SLC9A2: variants seen among roughly 807,000 people sequenced by gnomAD.
SLC9A2 encodes the protein sodium/hydrogen exchanger 2.
SLC9A2 carries 42 observed loss-of-function variants against 71.7 expected under a neutral mutation model. The observed-to-expected ratio is 0.59, with a 90% CI of 0.46 to 0.76. The LOEUF (loss-of-function observed/expected upper bound fraction) is 0.76, where lower values mean the gene tolerates loss of function less well. Among genes scored for constraint, SLC9A2 ranks in the 30% least tolerant of loss-of-function variants. The probability of loss-of-function intolerance (pLI) is 0.00; values close to 1 mark genes in which losing one functional copy is unlikely to be tolerated. For missense variants in SLC9A2, 829 were observed against 1,017.4 expected (o/e 0.81, Z 2.52); for synonymous variants, 396 against 392.5 (o/e 1.01, Z -0.10).
intron 1 of SLC9A2, among the ~76,000 whole-genome samples, chr2:102,636,092 G>A (rs1676463831): frequency 6.6e-6 from 1 of 152,146 alleles, no homozygotes; most frequent in Non-Finnish European, 1.5e-5. Context: ...TATGATGACT[G>A]TAGAACTATA....
At chr2:102,627,151 C>CAACAAG (rs533573268) in intron 1 of SLC9A2, among the ~76,000 whole-genome samples, 1 of 56,088 alleles carries the variant, frequency 1.8e-5, no homozygotes, top group African/African-American at 4.3e-5. Flanking sequence ...ACAACAACAA[C>CAACAAG]AATAACAACA....
chr2:102,640,191 G>A (rs1435707601), intron 1 of SLC9A2, among the ~76,000 whole-genome samples: 1 of 152,154 alleles, frequency 6.6e-6, no homozygotes, highest in East Asian at 1.9e-4. Flanking sequence ...CTTTTTCTTT[G>A]TTACCATACT....
chr2:102,699,558 C>T (rs1558724365), intron 7 of SLC9A2, among the ~76,000 whole-genome samples: 2 of 152,228 alleles, frequency 1.3e-5, no homozygotes, highest in South Asian at 2.1e-4. Flanking sequence ...ATGTCTTGGA[C>T]CTGGGTGATA....
At chr2:102,638,547 C>A (rs186830388) in intron 1 of SLC9A2, among the ~76,000 whole-genome samples, 2 of 152,192 alleles carry the variant, frequency 1.3e-5, no homozygotes, top group Non-Finnish European at 2.9e-5. Flanking sequence ...ATGAGTTCAT[C>A]GTCTGTGAAA....
At chr2:102,701,904 G>A (rs985517026) in intron 8 of SLC9A2, among the ~76,000 whole-genome samples, 1 of 152,132 alleles carries the variant, frequency 6.6e-6, no homozygotes, top group Non-Finnish European at 1.5e-5. Context: ...CTGATATTGG[G>A]TTTATAAATC....
At chr2:102,669,051 T>C (rs1351946585) in intron 3 of SLC9A2, among the ~76,000 whole-genome samples, 2 of 152,206 alleles carry the variant, frequency 1.3e-5, no homozygotes, top group African/African-American at 4.8e-5. Context: ...GATTTCAATA[T>C]CTTGATTTCT....
Position 102,678,514 on chromosome 2 carries a change from AT to A in SLC9A2, c.1005-4743del, listed in dbSNP as rs577989425. 3.0e-3 allele frequency among the ~76,000 whole-genome samples: 458 copies of A among 152,284 alleles called. 1 individual carries two copies. Among genetic ancestry groups the A allele is most frequent in the African/African-American group, 0.011 (437 of 41,560 alleles). ...ATATAAAGAATCTATTTAGGTTATT[AT>A]TTTGTTGGGGACAATGTCATACTGA... is the stretch of plus-strand genomic sequence containing the variant. On this transcript the variant is annotated intron_variant, in intron 3 of 11. Transcript: ENST00000233969.
At chr2:102,621,352 G>GAAA (rs768118079) in intron 1 of SLC9A2, among the ~76,000 whole-genome samples, 35,309 of 108,652 alleles carry the variant, frequency 0.32, 5,379 homozygotes, top group Admixed American at 0.41. Context: ...TTGTCTCAGG[G>GAAA]AAAAAAAAAA....
Position 102,710,841 on chromosome 2 carries a change from A to G in SLC9A2, c.*2352A>G, listed in dbSNP as rs1387725393. ...CGTCCAAACAACACTTGATCCAACC[A>G]AAGTTCCAATGTGACTGTGGATCTT... On this transcript the variant is annotated 3_prime_UTR_variant, in exon 12 of 12. Coordinates refer to ENST00000233969, the MANE Select transcript of SLC9A2 (RefSeq NM_003048.6). 6.6e-6 allele frequency: 1 copy of G among 152,344 alleles called. No individual in the cohort carries two copies. Among genetic ancestry groups the G allele is most frequent in the African/African-American group, 2.4e-5 (1 of 41,442 alleles). 9.4% of individuals were successfully genotyped at this position (152,344 alleles called of 1,614,324 possible). A position where few individuals can be genotyped will look rare whatever the true frequency, so the allele number is the denominator to read the frequency against.
chr2:102,672,000 T>C (rs1156582773), intron 3 of SLC9A2, among the ~76,000 whole-genome samples: 2 of 151,982 alleles, frequency 1.3e-5, no homozygotes, highest in African/African-American at 4.8e-5. Context: ...CAGCTGCTAC[T>C]TGGGAGGCTG....
intron 3 of SLC9A2, among the ~76,000 whole-genome samples, chr2:102,682,416 G>C (rs1357080073): frequency 6.6e-6 from 1 of 152,188 alleles, no homozygotes; most frequent in African/African-American, 2.4e-5. Flanking sequence ...CCGGGGTGGA[G>C]AGAGGGCAGA....
chr2:102,709,887 T>A lies in SLC9A2; in HGVS notation c.*1398T>A, dbSNP rs1678070821. 6.6e-6 allele frequency: 1 copy of A among 152,314 alleles called. No homozygotes were observed. The highest frequency in any genetic ancestry group is 1.5e-5 in the Non-Finnish European group (1 of 68,024). The allele number at this position is 152,314 out of a possible 1,614,324, so 9.4% of individuals were successfully genotyped here. A position where few individuals can be genotyped will look rare whatever the true frequency, so the allele number is the denominator to read the frequency against. ...AGAAATTAAATGAAGCCACTCACAG[T>A]CCTTTGATTTCCCACTGAAGATACC... is the stretch of plus-strand genomic sequence containing the variant. On this transcript the variant is annotated 3_prime_UTR_variant, in exon 12 of 12. Coordinates refer to ENST00000233969, the MANE Select transcript of SLC9A2 (RefSeq NM_003048.6).
In SLC9A2 at chr2:102,710,675, A is replaced by G. The variant is rs557666286; in HGVS notation, c.*2186A>G. ...AATTTGACTTTAGCTTTTTTTCTAT[A>G]CTTTCCTCTTTTTGTAATTCTTAAA... On this transcript the variant is annotated 3_prime_UTR_variant, in exon 12 of 12. Coordinates refer to ENST00000233969, the MANE Select transcript of SLC9A2 (RefSeq NM_003048.6). The G allele has an allele frequency of 6.6e-6, 1 of 152,308 alleles. No individual in the cohort carries two copies. Among genetic ancestry groups the G allele is most frequent in the East Asian group, 1.9e-4 (1 of 5,246 alleles). The allele number at this position is 152,308 out of a possible 1,614,324, so 9.4% of individuals were successfully genotyped here.
intron 1 of SLC9A2, among the ~76,000 whole-genome samples, chr2:102,654,312 A>G (rs1344797715): frequency 1.2e-4 from 17 of 147,504 alleles, no homozygotes; most frequent in African/African-American, 4.3e-4. Flanking sequence ...CATGGTTTTC[A>G]GGGAACTTTT....
At chr2:102,634,109 T>C (rs1334591352) in intron 1 of SLC9A2, among the ~76,000 whole-genome samples, 2 of 152,204 alleles carry the variant, frequency 1.3e-5, no homozygotes, top group African/African-American at 4.8e-5. Context: ...AGAAACTCTT[T>C]TTTTTCACCA....
At chr2:102,662,240 A>T (rs1395151662) in intron 2 of SLC9A2, among the ~76,000 whole-genome samples, 2 of 152,212 alleles carry the variant, frequency 1.3e-5, no homozygotes, top group Admixed American at 6.5e-5. Flanking sequence ...CCTTTGATAG[A>T]TTTGATGCAT....
chr2:102,708,134 A>T lies in SLC9A2; in HGVS notation c.2084A>T (p.Asp695Val), dbSNP rs1456137148. Residue 695 changes from aspartate (D) to valine (V), a missense_variant, in exon 12 of 12, where the codon GAC (aspartate) becomes GTC (valine). Around this residue, in one of 3 missense-constraint regions of SLC9A2, gnomAD observed 223 missense variants for 197.5 expected, o/e 1.13. Coordinates refer to ENST00000233969, the MANE Select transcript of SLC9A2 (RefSeq NM_003048.6). ...TCCGTGATAGATGGCAATAGCAGCG[A>T]CTCAGACGCAGATGCCGGGACCACC... ...TISIADGNSS[D>V]SDADAGTTVL... The T allele has an allele frequency of 6.2e-7, 1 of 1,612,464 alleles. No individual in the cohort carries two copies. Among genetic ancestry groups the T allele is most frequent in the Non-Finnish European group, 8.5e-7 (1 of 1,179,370 alleles).
At chr2:102,646,283 A>G (rs184381520) in intron 1 of SLC9A2, among the ~76,000 whole-genome samples, 2 of 152,248 alleles carry the variant, frequency 1.3e-5, no homozygotes, top group Non-Finnish European at 2.9e-5. Context: ...GCCCTGCCTT[A>G]CAAGAGCTCC....
chr2:102,706,605 G>A (rs929980223), intron 11 of SLC9A2, among the ~76,000 whole-genome samples: 1 of 152,144 alleles, frequency 6.6e-6, no homozygotes, highest in Non-Finnish European at 1.5e-5. Flanking sequence ...GAGTTCAAGA[G>A]TTTGCAAATC....
Sources: gnomAD v4.1 joint callset for allele counts (sites outside exome capture counted in the v4.1 genomes callset) on GRCh38, gnomAD v4.1.1 for gene constraint, gnomAD v4.1.1 regional missense constraint, MANE v1.5 for transcripts, NCBI Gene and HGNC (gene_info 2026-07-23, HGNC 2026-07-21) for gene names.